CTNNA2: variants seen among roughly 807,000 people sequenced by gnomAD.
CTNNA2 encodes catenin alpha 2, also known as catenin alpha-2.
A neutral mutation model predicts 101.0 loss-of-function variants in CTNNA2; 42 were observed. The observed-to-expected ratio is 0.42, with a 90% CI of 0.32 to 0.54. The LOEUF (loss-of-function observed/expected upper bound fraction) is 0.54, where lower values mean the gene tolerates loss of function less well. Among genes scored for constraint, CTNNA2 ranks in the 20% least tolerant of loss-of-function variants. The pLI, the probability that CTNNA2 is intolerant of heterozygous loss-of-function variation, is 0.14. For missense variants in CTNNA2, 871 were observed against 1,223.1 expected (o/e 0.71, Z 4.29); for synonymous variants, 450 against 456.4 (o/e 0.99, Z 0.18).
chr2:80,049,201 T>C lies in CTNNA2; in HGVS notation c.1056+139404T>C, dbSNP rs1390315114. Among the ~76,000 whole-genome samples, 9 of 152,218 alleles carry C rather than the reference T, an allele frequency of 5.9e-5. No homozygotes were observed. In the East Asian group the frequency reaches 1.7e-3, roughly 29 times the overall value. On this transcript the variant is annotated intron_variant, in intron 7 of 18. Transcript: ENST00000402739. ...AATCATTTCATTTTTGGCCAGTTTA[T>C]GTGTCATTCATGAGGGGAGCAACAG...
At chr2:80,275,009 A>G (rs912223772) in intron 7 of CTNNA2, among the ~76,000 whole-genome samples, 1 of 152,250 alleles carries the variant, frequency 6.6e-6, no homozygotes, top group East Asian at 1.9e-4. Context: ...GTATGTAATA[A>G]TTAGATGATT....
chr2:80,083,246 G>A (rs1699252829), intron 7 of CTNNA2, among the ~76,000 whole-genome samples: 1 of 152,010 alleles, frequency 6.6e-6, no homozygotes, highest in Non-Finnish European at 1.5e-5. Context: ...TAGCCACTGG[G>A]AATTTTAAAA....
chr2:80,153,697 T>C (rs1160464653), intron 7 of CTNNA2, among the ~76,000 whole-genome samples: 3 of 152,132 alleles, frequency 2.0e-5, no homozygotes, highest in Admixed American at 2.0e-4. Context: ...GCATGGAGAA[T>C]GATATAGCTA....
At chr2:79,703,481 C>A (rs574056908) in intron 2 of CTNNA2, among the ~76,000 whole-genome samples, 1 of 152,206 alleles carries the variant, frequency 6.6e-6, no homozygotes, top group South Asian at 2.1e-4. Flanking sequence ...CTCTGGGTCT[C>A]CATAGATAGA....
At chr2:80,269,210 G>T (rs1052009410) in intron 7 of CTNNA2, among the ~76,000 whole-genome samples, 9 of 152,308 alleles carry the variant, frequency 5.9e-5, no homozygotes, top group South Asian at 2.1e-4. Context: ...GGTGGCAGGG[G>T]TCTTGTGGGA....
At chr2:79,462,686 G>T (rs1310228906) in intron 4 of CTNNA2, among the ~76,000 whole-genome samples, 2 of 152,208 alleles carry the variant, frequency 1.3e-5, no homozygotes, top group Non-Finnish European at 2.9e-5. Flanking sequence ...GTGGTTGAAT[G>T]ATTTAAAGGC....
chr2:80,612,160 G>C (rs1163204637), intron 17 of CTNNA2, among the ~76,000 whole-genome samples: 5 of 151,470 alleles, frequency 3.3e-5, no homozygotes, highest in African/African-American at 9.7e-5. Flanking sequence ...TGGGTTTAGG[G>C]GAGAGGTTTG....
intron 7 of CTNNA2, among the ~76,000 whole-genome samples, chr2:80,123,978 G>T (rs1161814743): frequency 1.3e-5 from 2 of 152,146 alleles, no homozygotes; most frequent in Non-Finnish European, 2.9e-5. Context: ...CCCAGCAGGG[G>T]CTGTGATCCT....
chr2:79,227,329 A>G (rs1674429688), intron 2 of CTNNA2, among the ~76,000 whole-genome samples: 1 of 152,186 alleles, frequency 6.6e-6, no homozygotes, highest in Non-Finnish European at 1.5e-5. Flanking sequence ...CATTTATTCC[A>G]TCATTTGATG....
chr2:79,364,476 C>T lies in CTNNA2; in HGVS notation c.-317-9355C>T, dbSNP rs149810357. ...CTTTCAGAATACAGTTTATCTTTTG[C>T]TAACTAGCATGTTGTTGGGTTTTGA... On this transcript the variant is annotated intron_variant, in intron 3 of 21. Transcript: ENST00000466387. Among the ~76,000 whole-genome samples the T allele has an allele frequency of 6.6e-5, 10 of 152,286 alleles. No homozygotes were observed. The East Asian group carries it at 1.9e-3, about 29-fold the overall frequency.
At chr2:79,799,659 C>T (rs552966161) in intron 3 of CTNNA2, among the ~76,000 whole-genome samples, 42 of 152,212 alleles carry the variant, frequency 2.8e-4, no homozygotes, top group African/African-American at 9.6e-4. Flanking sequence ...GAGCTATTAC[C>T]GTAGGCTTTA....
At chr2:79,258,365 T>C (rs1160897184) in intron 2 of CTNNA2, among the ~76,000 whole-genome samples, 1 of 152,212 alleles carries the variant, frequency 6.6e-6, no homozygotes, top group African/African-American at 2.4e-5. Flanking sequence ...TATGTGAACC[T>C]GCTAAACAGA....
At chr2:79,357,163 T>C (rs12620843) in intron 3 of CTNNA2, among the ~76,000 whole-genome samples, 44,260 of 151,862 alleles carry the variant, frequency 0.29, 6,621 homozygotes, top group Middle Eastern at 0.44. Flanking sequence ...CTCATCTGTA[T>C]ACAAAGAAAA....
At chr2:79,673,897 A>G (rs1460989014) in intron 2 of CTNNA2, among the ~76,000 whole-genome samples, 1 of 152,144 alleles carries the variant, frequency 6.6e-6, no homozygotes, top group Non-Finnish European at 1.5e-5. Context: ...CCTTCTGAAT[A>G]TATTCTTTCC....
At position 79,187,270 on chromosome 2, in the gene CTNNA2, C is replaced by CTTTTTTTTTTTTTTTTTTTTTTTTTTTTT. The variant is rs781414965; in HGVS notation, c.-524+1856_-524+1857insTTTTTTTTTTTTTTTTTTTTTTTTTTTTT. Among the ~76,000 whole-genome samples the CTTTTTTTTTTTTTTTTTTTTTTTTTTTTT allele has an allele frequency of 6.1e-5, 4 of 65,468 alleles. 1 individual carries two copies. The highest frequency in any genetic ancestry group is 8.4e-5 in the Non-Finnish European group (3 of 35,638). 42.9% of individuals were successfully genotyped at this position (65,468 alleles called of 152,430 possible). A position where few individuals can be genotyped will look rare whatever the true frequency, so the allele number is the denominator to read the frequency against. On this transcript the variant is annotated intron_variant, in intron 1 of 21. Transcript: ENST00000466387. ...CTTTTCTTTTCTTTTCTTTTCTTTT[C>CTTTTTTTTTTTTTTTTTTTTTTTTTTTTT]TTTTTTTTTTTTTTTTTGAGACAGA...
intron 7 of CTNNA2, among the ~76,000 whole-genome samples, chr2:80,249,244 G>A (rs888651622): frequency 6.6e-6 from 1 of 152,130 alleles, no homozygotes. Context: ...CATTATGATA[G>A]AGTTCTAAAG....
intron 3 of CTNNA2, among the ~76,000 whole-genome samples, chr2:79,753,538 G>C (rs555776406): frequency 2.0e-5 from 3 of 152,052 alleles, no homozygotes; most frequent in African/African-American, 7.2e-5. Context: ...GCCTTCGTTC[G>C]ACAACAGCAT....
chr2:80,139,954 C>T (rs1702907166), intron 7 of CTNNA2, among the ~76,000 whole-genome samples: 1 of 152,188 alleles, frequency 6.6e-6, no homozygotes, highest in Non-Finnish European at 1.5e-5. Flanking sequence ...ATCAACTCTT[C>T]TCACTGGGGG....
At chr2:79,803,690 C>A (rs1447147197) in intron 3 of CTNNA2, among the ~76,000 whole-genome samples, 2 of 152,196 alleles carry the variant, frequency 1.3e-5, no homozygotes, top group East Asian at 3.8e-4. Flanking sequence ...TTGTTTATGG[C>A]CAGTTTTGGG....
Sources: gnomAD v4.1 joint callset for allele counts (sites outside exome capture counted in the v4.1 genomes callset) on GRCh38, gnomAD v4.1.1 for gene constraint, MANE v1.5 for transcripts, NCBI Gene and HGNC (gene_info 2026-07-23, HGNC 2026-07-21) for gene names.